The following CHLSN variants were observed in gnomAD, a reference collection of about 807,000 sequenced individuals.
The protein encoded by CHLSN is protein cholesin.
the CHLSN span, among the ~76,000 whole-genome samples, chr7:1,006,829 C>G: frequency 6.6e-6 from 1 of 152,182 alleles, no homozygotes; most frequent in Non-Finnish European, 1.5e-5. Context: ...ATCCCACCCT[C>G]TGGACCCTCC....
the CHLSN span, among the ~76,000 whole-genome samples, chr7:1,038,084 G>A: frequency 2.4e-5 from 3 of 123,082 alleles, no homozygotes; most frequent in East Asian, 2.3e-4. Flanking sequence ...GAGCCTCTCC[G>A]CCCGGCAGCC....
the CHLSN span, among the ~76,000 whole-genome samples, chr7:1,020,020 G>A: frequency 6.6e-6 from 1 of 152,236 alleles, no homozygotes; most frequent in Admixed American, 6.5e-5. Context: ...CAGAAGTCCA[G>A]CGAGGCGGCA....
chr7:1,066,878 G>A, the CHLSN span, among the ~76,000 whole-genome samples: 5 of 149,440 alleles, frequency 3.3e-5, no homozygotes, highest in African/African-American at 1.2e-4. Context: ...CACCCCAGAG[G>A]TGAGGGTTTG....
At chr7:988,336 C>A in the CHLSN span, 2 of 1,612,526 alleles carry the variant, frequency 1.2e-6, no homozygotes, top group Non-Finnish European at 1.7e-6. Context: ...AGTGGCAGAC[C>A]CCAGGCCAGT....
At chr7:1,109,741 G>C in the CHLSN span, among the ~76,000 whole-genome samples, 2 of 151,758 alleles carry the variant, frequency 1.3e-5, no homozygotes, top group Middle Eastern at 3.4e-3. Context: ...ACCCCTCCGT[G>C]GGCGGCGGAG....
chr7:1,019,211 A>AGGG, the CHLSN span, among the ~76,000 whole-genome samples: 3 of 43,692 alleles, frequency 6.9e-5, no homozygotes, highest in Non-Finnish European at 1.3e-4. Flanking sequence ...AAAAAAAAAA[A>AGGG]CGGGGGGGGG....
At chr7:1,104,859 C>G in the CHLSN span, among the ~76,000 whole-genome samples, 2 of 152,234 alleles carry the variant, frequency 1.3e-5, no homozygotes, top group African/African-American at 4.8e-5. Context: ...CTGGAGCACA[C>G]TATCCGCTTA....
chr7:1,121,634 C>T, the CHLSN span, among the ~76,000 whole-genome samples: 1 of 152,286 alleles, frequency 6.6e-6, no homozygotes, highest in African/African-American at 2.4e-5. Context: ...ACCACCTGTG[C>T]CCCGCGTTCT....
chr7:1,022,227 C>T, the CHLSN span, among the ~76,000 whole-genome samples: 1 of 152,192 alleles, frequency 6.6e-6, no homozygotes, highest in Non-Finnish European at 1.5e-5. Flanking sequence ...AGACGCAGGC[C>T]TGCGGGGAGG....
chr7:1,078,349 T>G, the CHLSN span, among the ~76,000 whole-genome samples: 5 of 146,370 alleles, frequency 3.4e-5, no homozygotes, highest in East Asian at 2.0e-4. Context: ...AGCTGCGGGG[T>G]GGGGGGGGGC....
chr7:1,002,008 TGGAGTCCTGTGGGTGG>T, the CHLSN span, among the ~76,000 whole-genome samples: 31 of 29,866 alleles, frequency 1.0e-3, no homozygotes, highest in African/African-American at 3.8e-3. Flanking sequence ...TGTGGGTGAG[TGGAGTCCTGTGGGTGG>T]GGAGTCCTGT....
At chr7:1,005,827 C>T in the CHLSN span, among the ~76,000 whole-genome samples, 7 of 152,194 alleles carry the variant, frequency 4.6e-5, no homozygotes, top group Admixed American at 1.3e-4. Flanking sequence ...CCGTGTGGCC[C>T]GGGTCCCAGT....
At chr7:1,104,306 G>A in the CHLSN span, among the ~76,000 whole-genome samples, 105 of 152,350 alleles carry the variant, frequency 6.9e-4, no homozygotes, top group African/African-American at 2.3e-3. Context: ...AGGCTGAGGC[G>A]GGAGGGTTGC....
At chr7:999,032 TTG>T in the CHLSN span, among the ~76,000 whole-genome samples, 17 of 152,164 alleles carry the variant, frequency 1.1e-4, no homozygotes, top group African/African-American at 4.1e-4. Context: ...AAATGCACAT[TTG>T]TGTGTTTGTA....
At chr7:1,081,594 C>T in the CHLSN span, among the ~76,000 whole-genome samples, 2 of 152,242 alleles carry the variant, frequency 1.3e-5, no homozygotes, top group Non-Finnish European at 2.9e-5. Context: ...GTCACGCTTA[C>T]GTCGTTTGGT....
the CHLSN span, among the ~76,000 whole-genome samples, chr7:1,088,534 T>G: frequency 3.9e-5 from 6 of 152,150 alleles, no homozygotes; most frequent in African/African-American, 1.4e-4. The surrounding 1 kb of genome is among the most constrained non-coding windows in gnomAD (Gnocchi z 4.5). Flanking sequence ...AGCAGGGGCT[T>G]TGCCTGGACG....
the CHLSN span, among the ~76,000 whole-genome samples, chr7:1,071,523 T>C: frequency 6.6e-6 from 1 of 151,132 alleles, no homozygotes; most frequent in East Asian, 1.9e-4. Context: ...AACTGATGAG[T>C]CCACAGCGAC....
At chr7:1,080,284 T>C in the CHLSN span, among the ~76,000 whole-genome samples, 1 of 152,220 alleles carries the variant, frequency 6.6e-6, no homozygotes, top group African/African-American at 2.4e-5. Flanking sequence ...ATAGACACAA[T>C]CTGGAAAGAA....
chr7:1,102,471 T>A, the CHLSN span, among the ~76,000 whole-genome samples: 2 of 152,232 alleles, frequency 1.3e-5, no homozygotes, highest in Non-Finnish European at 2.9e-5. Flanking sequence ...CACGCTGGCG[T>A]TCAACACCAG....
Sources: allele counts gnomAD v4.1 joint callset (sites outside exome capture counted in the v4.1 genomes callset), GRCh38; gene constraint gnomAD v4.1.1; non-coding constraint Gnocchi (gnomAD v3.1); transcripts MANE v1.5; gene names NCBI Gene and HGNC (gene_info 2026-07-23, HGNC 2026-07-21).